Variants in DPF3 observed in about 807,000 individuals in gnomAD.
The protein encoded by DPF3 is double PHD fingers 3.
In DPF3, 18 loss-of-function variants were observed where a neutral mutation model predicts 56.8. The observed-to-expected ratio is 0.32, with a 90% confidence interval of 0.22 to 0.47. The LOEUF is 0.47. Ranked by LOEUF, DPF3 falls within the 20% of genes least tolerant of loss-of-function variation. The pLI is 1.00. For synonymous variants in DPF3, 188 were observed against 180.2 expected (o/e 1.04, Z -0.35); for missense variants, 403 against 488.8 (o/e 0.82, Z 1.65).
intron 1 of DPF3, among the ~76,000 whole-genome samples, chr14:72,886,623 G>A (rs77221555): frequency 0.088 from 13,322 of 152,102 alleles, 698 homozygotes; most frequent in South Asian, 0.14. Flanking sequence ...TCTCTCTGCT[G>A]GAGGTCAGGG....
At chr14:72,812,002 C>A (rs1006851889) in intron 1 of DPF3, among the ~76,000 whole-genome samples, 1 of 152,116 alleles carries the variant, frequency 6.6e-6, no homozygotes, top group Non-Finnish European at 1.5e-5. Context: ...CTCCTGCCGT[C>A]TTGGAACCTC....
At chr14:72,797,754 G>A (rs958990062) in intron 1 of DPF3, among the ~76,000 whole-genome samples, 43 of 152,240 alleles carry the variant, frequency 2.8e-4, no homozygotes, top group African/African-American at 9.4e-4. Flanking sequence ...CGTAGGATGT[G>A]GTGATCGAAA....
At chr14:72,746,156 C>T (rs1016429802) in intron 3 of DPF3, among the ~76,000 whole-genome samples, 2 of 152,242 alleles carry the variant, frequency 1.3e-5, no homozygotes, top group Non-Finnish European at 2.9e-5. Flanking sequence ...TAGTCAAGGC[C>T]CTGGATGAAG....
intron 1 of DPF3, chr14:72,836,018 G>A (rs561665601): frequency 3.0e-5 from 30 of 983,864 alleles, no homozygotes; most frequent in South Asian, 1.4e-4. Flanking sequence ...AGGGCCAGCC[G>A]TCACCACACG....
intron 6 of DPF3, among the ~76,000 whole-genome samples, chr14:72,702,570 A>G (rs983770623): frequency 6.6e-6 from 1 of 152,044 alleles, no homozygotes; most frequent in South Asian, 2.1e-4. Context: ...ACCCTACCAG[A>G]CCGGCTCGTA....
intron 1 of DPF3, among the ~76,000 whole-genome samples, chr14:72,879,300 T>C (rs1033713476): frequency 1.2e-4 from 18 of 151,886 alleles, no homozygotes; most frequent in African/African-American, 3.6e-4. Context: ...GGAGAATCGC[T>C]TGAACCCAGG....
At chr14:72,738,661 T>C (rs1206240589) in intron 3 of DPF3, among the ~76,000 whole-genome samples, 2 of 152,148 alleles carry the variant, frequency 1.3e-5, no homozygotes, top group Non-Finnish European at 2.9e-5. Context: ...GGTCAGATGG[T>C]ACAGAGTGTC....
chr14:72,833,842 T>C (rs1305786835), intron 1 of DPF3, among the ~76,000 whole-genome samples: 1 of 152,100 alleles, frequency 6.6e-6, no homozygotes, highest in Admixed American at 6.5e-5. Flanking sequence ...AATAGACACA[T>C]GAAAACATAG....
intron 5 of DPF3, among the ~76,000 whole-genome samples, chr14:72,720,377 G>A (rs778146040): frequency 1.1e-4 from 16 of 152,220 alleles, no homozygotes; most frequent in Non-Finnish European, 1.6e-4. Context: ...CAGCTGAACT[G>A]AGGCTGTGAG....
intron 2 of DPF3, among the ~76,000 whole-genome samples, chr14:72,756,928 A>AAGAAAGAAAGAAAGAAGAGAAGAGAAG (rs1428028523): frequency 1.5e-4 from 21 of 139,166 alleles, no homozygotes; most frequent in African/African-American, 6.2e-4. Flanking sequence ...GAAAGAAAGA[A>AAGAAAGAAAGAAAGAAGAGAAGAGAAG]AGAAGAGAAG....
intron 1 of DPF3, among the ~76,000 whole-genome samples, chr14:72,837,753 G>T (rs1195188083): frequency 6.6e-6 from 1 of 151,876 alleles, no homozygotes; most frequent in African/African-American, 2.4e-5. Flanking sequence ...AATAAAAAAA[G>T]AAAAGAAAGA....
chr14:72,808,643 A>G (rs533943575), intron 1 of DPF3, among the ~76,000 whole-genome samples: 79 of 152,324 alleles, frequency 5.2e-4, no homozygotes, highest in Non-Finnish European at 1.3e-4. Context: ...GTCAGCCTGG[A>G]AATCCAGGCC....
intron 1 of DPF3, among the ~76,000 whole-genome samples, chr14:72,847,064 CCATGCAGA>C: frequency 6.6e-6 from 1 of 152,318 alleles, no homozygotes; most frequent in Middle Eastern, 3.4e-3. Context: ...CACTTTGCAT[CCATGCAGA>C]CAAGGGCTGT....
At chr14:72,809,437 G>A (rs954657642) in intron 1 of DPF3, among the ~76,000 whole-genome samples, 2 of 152,258 alleles carry the variant, frequency 1.3e-5, no homozygotes. Flanking sequence ...GTGAGAAGTC[G>A]GCAGGTCAGC....
At chr14:72,620,473 T>C (rs1884363184) in intron 9 of DPF3, among the ~76,000 whole-genome samples, 1 of 152,216 alleles carries the variant, frequency 6.6e-6, no homozygotes, top group Non-Finnish European at 1.5e-5. Flanking sequence ...CATTAGAATG[T>C]AGAAAAATGC....
At chr14:72,682,217 GAA>G (rs60779626) in intron 7 of DPF3, among the ~76,000 whole-genome samples, 154 of 55,380 alleles carry the variant, frequency 2.8e-3, no homozygotes, top group Non-Finnish European at 4.5e-3. Flanking sequence ...TCTGTCTCAA[GAA>G]AAAAAAAAAA....
chr14:72,764,634 G>A (rs977014955), intron 2 of DPF3, among the ~76,000 whole-genome samples: 10 of 151,528 alleles, frequency 6.6e-5, no homozygotes, highest in Middle Eastern at 3.2e-3. Flanking sequence ...GACTACAGGC[G>A]CCCACCACGC....
chr14:72,758,094 A>C (rs1885918031), intron 2 of DPF3, among the ~76,000 whole-genome samples: 1 of 152,254 alleles, frequency 6.6e-6, no homozygotes, highest in South Asian at 2.1e-4. Flanking sequence ...CTTTCTCATA[A>C]TATACCATTG....
At chr14:72,830,267 G>A (rs1474951150) in intron 1 of DPF3, among the ~76,000 whole-genome samples, 1 of 152,236 alleles carries the variant, frequency 6.6e-6, no homozygotes, top group Non-Finnish European at 1.5e-5. Context: ...CTATGGCAGT[G>A]GAGGGGAAGG....
Sources: allele counts gnomAD v4.1 joint callset (sites outside exome capture counted in the v4.1 genomes callset), GRCh38; gene constraint gnomAD v4.1.1; transcripts MANE v1.5; gene names NCBI Gene and HGNC (gene_info 2026-07-23, HGNC 2026-07-21).